The following HACE1 variants were observed in gnomAD, a reference collection of about 807,000 sequenced individuals.
HACE1 encodes HECT domain and ankyrin repeat containing E3 ubiquitin protein ligase 1, also known as E3 ubiquitin-protein ligase HACE1.
HACE1 carries 73 observed loss-of-function variants against 118.4 expected under a neutral mutation model. That is an observed-to-expected ratio of 0.62 (90% CI 0.51 to 0.75). HACE1 has a LOEUF of 0.75. HACE1 is among the 30% of genes least tolerant of loss of function. The pLI is 0.00. For synonymous variants in HACE1, 368 were observed against 374.8 expected (o/e 0.98, Z 0.21); for missense variants, 749 against 1,102.2 (o/e 0.68, Z 4.54).
rs140417888 is a variant in HACE1, at chr6:104,785,173, T to C, written c.1221A>G (p.Pro407=). The C allele has an allele frequency of 1.8e-5, 29 of 1,613,968 alleles. No individual in the cohort carries two copies. In the African/African-American group the frequency reaches 3.5e-4, roughly 19 times the overall value. The change falls in exon 12 of 24, where the codon CCA becomes CCG. Residue 407 remains proline (P), a synonymous_variant. Transcript: ENST00000262903. ...GQDQDAASIP[P]FEPPGPGSYE... is the part of the protein sequence containing the mutation. Reference sequence around the variant, plus strand: ...AGCTCCCAGGTCCTGGAGGTTCAAATGGAGGAATGGAAGCAGCATCTTGAT... The same window carrying C: ...AGCTCCCAGGTCCTGGAGGTTCAAACGGAGGAATGGAAGCAGCATCTTGAT...
At chr6:104,851,567 C>A (rs1182600683) in intron 2 of HACE1, among the ~76,000 whole-genome samples, 5 of 152,202 alleles carry the variant, frequency 3.3e-5, no homozygotes, top group Non-Finnish European at 7.3e-5. Flanking sequence ...GGACACACAA[C>A]AGACTAAGCT....
chr6:104,839,776 C>T lies in HACE1; in HGVS notation c.402+3447G>A, dbSNP rs140554620. On this transcript the variant is annotated intron_variant, in intron 5 of 23. Transcript: ENST00000262903. ...ATCCCAGCATTTTGGAAGGCCAAGG[C>T]GGGTAGATCACCTGAGGTCAGGAGC... Among the ~76,000 whole-genome samples, 1,020 of 152,172 alleles carry T rather than the reference C, an allele frequency of 6.7e-3. 10 individuals carry two copies. Among genetic ancestry groups the T allele is most frequent in the African/African-American group, 0.023 (971 of 41,524 alleles).
chr6:104,770,125 T>G (rs1780454429), intron 19 of HACE1, among the ~76,000 whole-genome samples: 1 of 152,154 alleles, frequency 6.6e-6, no homozygotes, highest in Non-Finnish European at 1.5e-5. Flanking sequence ...ATCTATAGTT[T>G]AAAAAATGGC....
At chr6:104,756,104 A>G (rs1361018105) in intron 19 of HACE1, among the ~76,000 whole-genome samples, 1 of 152,176 alleles carries the variant, frequency 6.6e-6, no homozygotes, top group African/African-American at 2.4e-5. Context: ...AGATATCACC[A>G]CTGACCCCAA....
At chr6:104,794,615 T>C (rs1783411180) in intron 10 of HACE1, among the ~76,000 whole-genome samples, 1 of 152,220 alleles carries the variant, frequency 6.6e-6, no homozygotes, top group Non-Finnish European at 1.5e-5. Flanking sequence ...CTCAAAAATA[T>C]GTATTTGGCC....
At chr6:104,768,506 A>G (rs553473868) in intron 19 of HACE1, among the ~76,000 whole-genome samples, 1 of 152,298 alleles carries the variant, frequency 6.6e-6, no homozygotes, top group Non-Finnish European at 1.5e-5. Context: ...AAAGATTTTT[A>G]AGAGTTTTAT....
At chr6:104,818,796 A>C (rs1434259852) in intron 6 of HACE1, among the ~76,000 whole-genome samples, 1 of 152,192 alleles carries the variant, frequency 6.6e-6, no homozygotes, top group Non-Finnish European at 1.5e-5. Context: ...TGATTATCTC[A>C]ACAGATGCAG....
At chr6:104,770,748 T>C (rs1300033772) in intron 19 of HACE1, among the ~76,000 whole-genome samples, 2 of 152,064 alleles carry the variant, frequency 1.3e-5, no homozygotes, top group African/African-American at 2.4e-5. Context: ...AATCAAGTTA[T>C]ACAGTCAAAA....
chr6:104,834,030 G>T (rs1774278662), intron 5 of HACE1, among the ~76,000 whole-genome samples: 1 of 152,060 alleles, frequency 6.6e-6, no homozygotes, highest in Non-Finnish European at 1.5e-5. Flanking sequence ...TATGGTCCTA[G>T]CTTCTCAGGA....
At chr6:104,782,016 C>A (rs1052426096) in intron 14 of HACE1, among the ~76,000 whole-genome samples, 1 of 143,540 alleles carries the variant, frequency 7.0e-6, no homozygotes, top group South Asian at 2.6e-4. Context: ...AAAGTAATTG[C>A]GGTTTTTGCT....
intron 1 of HACE1, among the ~76,000 whole-genome samples, chr6:104,858,955 C>G (rs547807756): frequency 1.3e-5 from 2 of 152,280 alleles, no homozygotes; most frequent in South Asian, 2.1e-4. Context: ...TAGTTACCAG[C>G]TAGCCCACTC....
At chr6:104,849,767 G>C (rs2486140) in intron 3 of HACE1, among the ~76,000 whole-genome samples, 65,800 of 150,972 alleles carry the variant, frequency 0.44, 15,891 homozygotes, top group East Asian at 0.58. Context: ...TCCTGCCTCA[G>C]CCTCCCGAGT....
chr6:104,818,764 A>C (rs1428213408), intron 6 of HACE1, among the ~76,000 whole-genome samples: 2 of 152,208 alleles, frequency 1.3e-5, no homozygotes, highest in African/African-American at 2.4e-5. Context: ...GCACATAAGC[A>C]GAACTAAAGA....
At position 104,785,378 on chromosome 6, in the gene HACE1, A is replaced by C. The variant is rs571864725; in HGVS notation, c.1075-59T>G. 7.8e-4 allele frequency: 761 copies of C among 970,088 alleles called. 5 individuals are homozygous for C. The highest frequency in any genetic ancestry group is 2.6e-4 in the Non-Finnish European group (165 of 622,868). The allele number at this position is 970,088 out of a possible 1,614,324, so 60.1% of individuals were successfully genotyped here. ...TCTTAAACTACAGGATTAAAAAAAA[A>C]AAAACAAAACACAACTAGACAAATA... is the stretch of plus-strand genomic sequence containing the variant. On this transcript the variant is annotated intron_variant, in intron 11 of 23. Transcript: ENST00000262903.
At chr6:104,780,384 A>G (rs1343882256) in intron 14 of HACE1, 1 of 449,620 alleles carries the variant, frequency 2.2e-6, no homozygotes, top group East Asian at 7.0e-5. Context: ...ACAAAACAGG[A>G]CTGATTATAG....
intron 6 of HACE1, chr6:104,824,922 A>AAG (rs1014165958): frequency 2.0e-5 from 3 of 151,808 alleles, no homozygotes; most frequent in African/African-American, 7.3e-5. Flanking sequence ...AAAAAAAAAA[A>AAG]AATACAAAAA....
chr6:104,841,052 T>A (rs12664270), intron 5 of HACE1, among the ~76,000 whole-genome samples: 1 of 147,716 alleles, frequency 6.8e-6, no homozygotes, highest in Admixed American at 6.8e-5. Context: ...ACCCGGGAGG[T>A]GGAAGTTGCA....
chr6:104,771,722 G>T (rs1780624742), intron 18 of HACE1, among the ~76,000 whole-genome samples: 1 of 144,894 alleles, frequency 6.9e-6, no homozygotes, highest in African/African-American at 2.5e-5. Context: ...AAAAAAAAAG[G>T]CTAACTTAAC....
chr6:104,777,462 C>T lies in HACE1; in HGVS notation c.1567-145G>A, dbSNP rs1029390619. On this transcript the variant is annotated intron_variant, in intron 14 of 23. Transcript: ENST00000262903. ...AAGGAGTTACTGGATAATGTTTGAA[C>T]ATTTCAATAACTATTTACAAAAAGA... is the stretch of plus-strand genomic sequence containing the variant. The T allele has an allele frequency of 8.3e-5, 55 of 664,602 alleles. No homozygotes were observed. The East Asian group carries it at 1.5e-3, about 18-fold the overall frequency. 41.2% of individuals were successfully genotyped at this position (664,602 alleles called of 1,614,324 possible).
Sources: allele counts gnomAD v4.1 joint callset (sites outside exome capture counted in the v4.1 genomes callset), GRCh38; gene constraint gnomAD v4.1.1; transcripts MANE v1.5; gene names NCBI Gene and HGNC (gene_info 2026-07-23, HGNC 2026-07-21).